NXT1: variants seen among roughly 807,000 people sequenced by gnomAD.
NXT1 encodes nuclear transport factor 2 like export factor 1, also known as NTF2-related export protein 1.
NXT1 carries 3 observed loss-of-function variants against 9.9 expected under a neutral mutation model. That is an observed-to-expected ratio of 0.30 (90% CI 0.14 to 0.79). The LOEUF is 0.79. NXT1 is among the 30% of genes least tolerant of loss of function. The pLI is 0.63. For synonymous variants in NXT1, 53 were observed against 66.5 expected, an observed-to-expected ratio of 0.80 and a Z score of 0.99; for missense variants, 91 against 178.2, an observed-to-expected ratio of 0.51 and a Z score of 2.79.
At position 23,354,057 on chromosome 20, in the gene NXT1, T is replaced by C; in HGVS notation, c.16T>C (p.Phe6Leu). The part of the protein sequence containing the change: MASVD[F>L]KTYVDQACRA... ...AGAACCAGAGATGGCATCTGTGGAT[T>C]TCAAGACCTATGTGGATCAGGCCTG... The change falls in exon 2 of 2, where the codon TTC (phenylalanine) becomes CTC (leucine). Residue 6 changes from phenylalanine to leucine, a missense_variant. Coordinates refer to ENST00000254998, the MANE Select transcript of NXT1 (RefSeq NM_013248.3). The C allele has an allele frequency of 6.2e-7, 1 of 1,612,116 alleles. No homozygotes were observed. Among genetic ancestry groups the C allele is most frequent in the East Asian group, 2.2e-5 (1 of 44,824 alleles).
chr20:23,354,526 C>G lies in NXT1; in HGVS notation c.*62C>G. ...TAGCTCTGTAGAGAAATGCAAACCTCGACTCTCAAGGATGTGAGGAACACA... is the reference window on the plus strand; with the variant it reads ...TAGCTCTGTAGAGAAATGCAAACCTGGACTCTCAAGGATGTGAGGAACACA... On this transcript the variant is annotated 3_prime_UTR_variant, in exon 2 of 2. Coordinates refer to ENST00000254998, the MANE Select transcript of NXT1 (RefSeq NM_013248.3). 6.6e-7 allele frequency: 1 copy of G among 1,525,682 alleles called. No individual in the cohort carries two copies. The highest frequency in any genetic ancestry group is 8.9e-7 in the Non-Finnish European group (1 of 1,129,738). 94.5% of individuals were successfully genotyped at this position (1,525,682 alleles called of 1,614,324 possible).
intron 1 of NXT1, chr20:23,351,562 T>C (rs532746299): frequency 2.6e-5 from 4 of 152,230 alleles, no homozygotes; most frequent in African/African-American, 9.6e-5. Context: ...GTTGTTAGAT[T>C]GTGTTTGGAA....
At position 23,353,974 on chromosome 20, in the gene NXT1, C is replaced by A; in HGVS notation, c.-61-7C>A. ...CGTGGCTTCTCTTCAACCTTACTTC[C>A]CTGCAGCCCCTGGTTCCCCAAGGCA... On this transcript the variant is annotated splice_polypyrimidine_tract_variant and splice_region_variant and intron_variant, in intron 1 of 1. Coordinates refer to ENST00000254998, the MANE Select transcript of NXT1 (RefSeq NM_013248.3). The A allele has an allele frequency of 6.6e-7, 1 of 1,504,132 alleles. No individual in the cohort carries two copies. Among genetic ancestry groups the A allele is most frequent in the Non-Finnish European group, 9.1e-7 (1 of 1,104,716 alleles). 93.2% of individuals were successfully genotyped at this position (1,504,132 alleles called of 1,614,324 possible).
chr20:23,351,283 C>CTGGG (rs1365863815), intron 1 of NXT1: 7 of 152,402 alleles, frequency 4.6e-5, no homozygotes, highest in African/African-American at 1.7e-4. Context: ...CTGAGGAGGG[C>CTGGG]CGGGCAGGGC....
At position 23,354,261 on chromosome 20, in the gene NXT1, G is replaced by A. The variant is rs376890593; in HGVS notation, c.220G>A (p.Val74Met). ...GCCTTCCAGCGAGTTCCAAATCAGC[G>A]TGGTAGACTGCCAGCCTGTTCATGA... Reference protein sequence around the residue: ...MLPSSEFQISVVDCQPVHDEA... With the variant: ...MLPSSEFQISMVDCQPVHDEA... The change falls in exon 2 of 2, where the codon GTG becomes ATG. Residue 74 changes from valine to methionine, a missense_variant. By Grantham distance (21) the Val-to-Met change is conservative (BLOSUM62 1). Transcript: ENST00000254998. 7.6e-5 allele frequency: 123 copies of A among 1,614,058 alleles called. 1 individual carries two copies. The Admixed American group carries it at 1.7e-3, about 22-fold the overall frequency.
chr20:23,352,665 C>A (rs1274140023), intron 1 of NXT1, among the ~76,000 whole-genome samples: 1 of 151,906 alleles, frequency 6.6e-6, no homozygotes, highest in Non-Finnish European at 1.5e-5. Flanking sequence ...AACAGTTGTA[C>A]CTGTACCCTG....
chr20:23,351,906 T>C (rs572842526), intron 1 of NXT1, among the ~76,000 whole-genome samples: 2 of 152,212 alleles, frequency 1.3e-5, no homozygotes, highest in South Asian at 2.1e-4. Flanking sequence ...TTTCATCCAT[T>C]TGTGGTAACA....
rs1980234884 is a variant in NXT1 at position 23,350,816 on chromosome 20, G to A, written c.-307G>A. 6 of 152,266 alleles carry A rather than the reference G, an allele frequency of 3.9e-5. No individual in the cohort carries two copies. Among genetic ancestry groups the A allele is most frequent in the Admixed American group, 2.0e-4 (3 of 15,290 alleles). The allele number at this position is 152,266 out of a possible 1,614,324, so 9.4% of individuals were successfully genotyped here. On this transcript the variant is annotated 5_prime_UTR_variant, in exon 1 of 2. Coordinates refer to ENST00000254998, the MANE Select transcript of NXT1 (RefSeq NM_013248.3). ...GCGTCTGCGTGGAGACCGGCTGGCCGCGCGCGGGAAGCCGCGGAACTGCGC... is the reference window on the plus strand; with the variant it reads ...GCGTCTGCGTGGAGACCGGCTGGCCACGCGCGGGAAGCCGCGGAACTGCGC...
chr20:23,352,527 CT>C (rs78030322), intron 1 of NXT1, among the ~76,000 whole-genome samples: 1 of 146,670 alleles, frequency 6.8e-6, no homozygotes, highest in Non-Finnish European at 1.5e-5. Flanking sequence ...AAAAAAAAGT[CT>C]TTTTTTTGAA....
chr20:23,352,338 G>A (rs746156526), intron 1 of NXT1, among the ~76,000 whole-genome samples: 65 of 152,260 alleles, frequency 4.3e-4, no homozygotes, highest in Non-Finnish European at 6.8e-4. Context: ...GAGGTCTGTG[G>A]AGGGCGTGGA....
At chr20:23,352,663 T>C (rs1482083523) in intron 1 of NXT1, among the ~76,000 whole-genome samples, 1 of 152,240 alleles carries the variant, frequency 6.6e-6, no homozygotes, top group Admixed American at 6.5e-5. Context: ...ATAACAGTTG[T>C]ACCTGTACCC....
intron 1 of NXT1, among the ~76,000 whole-genome samples, chr20:23,352,923 G>A (rs1194605701): frequency 6.6e-6 from 1 of 152,000 alleles, no homozygotes; most frequent in Non-Finnish European, 1.5e-5. Context: ...CTTATCATGG[G>A]GATTATGGCT....
intron 1 of NXT1, among the ~76,000 whole-genome samples, chr20:23,351,713 G>T (rs1980273069): frequency 6.6e-6 from 1 of 152,224 alleles, no homozygotes; most frequent in Non-Finnish European, 1.5e-5. Flanking sequence ...CACTCTAGCA[G>T]TCCTGGAGTT....
In NXT1 at chr20:23,352,988, G is replaced by T. The variant is rs560226051; in HGVS notation, c.-61-993G>T. Among the ~76,000 whole-genome samples the T allele has an allele frequency of 6.7e-4, 102 of 152,246 alleles. 1 individual carries two copies. Among genetic ancestry groups the T allele is most frequent in the African/African-American group, 2.4e-3 (101 of 41,554 alleles). ...GTGTTTCTACCCTCTTAAGAAACCTGCCTTCTCTGCCTTCCCAGTTCCTCC... is the reference window on the plus strand; with the variant it reads ...GTGTTTCTACCCTCTTAAGAAACCTTCCTTCTCTGCCTTCCCAGTTCCTCC... On this transcript the variant is annotated intron_variant, in intron 1 of 1. Transcript: ENST00000254998.
At chr20:23,353,843 G>A (rs1006494737) in intron 1 of NXT1, 138 bp from the exon 2 acceptor site, 2 of 603,330 alleles carry the variant, frequency 3.3e-6, no homozygotes, top group African/African-American at 3.7e-5. Context: ...TAGGCATTGG[G>A]TACTATTTGA....
rs1311502072 is a variant in NXT1, at chr20:23,354,332, A to G, written c.291A>G (p.Gly97=). The change falls in exon 2 of 2, where the codon GGA becomes GGG. Residue 97 remains glycine, a synonymous_variant. Coordinates refer to ENST00000254998, the MANE Select transcript of NXT1 (RefSeq NM_013248.3). ...CCACGGTCCTTGTTGTCATCTGTGG[A>G]TCAGTGAAGTTTGAGGGGAACAAAC... ...SQTTVLVVIC[G]SVKFEGNKQR... The G allele has an allele frequency of 6.2e-7, 1 of 1,614,194 alleles. No homozygotes were observed. Among genetic ancestry groups the G allele is most frequent in the South Asian group, 1.1e-5 (1 of 91,086 alleles).
At chr20:23,351,259 C>G (rs1382740989) in intron 1 of NXT1, 198 bp downstream of exon 1, 1 of 152,352 alleles carries the variant, frequency 6.6e-6, no homozygotes, top group Non-Finnish European at 1.5e-5. Flanking sequence ...CCCCTCACAG[C>G]GCAGCTCTCG....
At chr20:23,353,648 AAC>A (rs1980331729) in intron 1 of NXT1, among the ~76,000 whole-genome samples, 1 of 152,192 alleles carries the variant, frequency 6.6e-6, no homozygotes, top group Admixed American at 6.5e-5. Flanking sequence ...CAGTCAGCCC[AAC>A]GTATTTGCAG....
intron 1 of NXT1, 49 bp from the exon 2 acceptor site, chr20:23,353,932 A>G: frequency 1.9e-6 from 2 of 1,027,338 alleles, no homozygotes; most frequent in East Asian, 4.8e-5. Flanking sequence ...TCAGGGCAGA[A>G]TGAACTTTGG....
Sources: allele counts gnomAD v4.1 joint callset (sites outside exome capture counted in the v4.1 genomes callset), GRCh38; gene constraint gnomAD v4.1.1; transcripts MANE v1.5; gene names NCBI Gene and HGNC (gene_info 2026-07-23, HGNC 2026-07-21).